Variants in MYO3A observed in about 807,000 individuals in gnomAD.
MYO3A encodes myosin-IIIa.
In MYO3A, 180 loss-of-function variants were observed where a neutral mutation model predicts 192.7. That is an observed-to-expected ratio of 0.93 (90% CI 0.83 to 1.06). The LOEUF (loss-of-function observed/expected upper bound fraction) is 1.06, where lower values mean the gene tolerates loss of function less well. Ranked by LOEUF, MYO3A falls within the 50% of genes least tolerant of loss-of-function variation. The pLI is 0.00. For missense variants in MYO3A, 1,896 were observed against 1,905.0 expected (o/e 1.00, Z 0.09); for synonymous variants, 628 against 645.3 (o/e 0.97, Z 0.41).
At chr10:26,068,932 A>G (rs1184599275) in intron 12 of MYO3A, 48 bp downstream of exon 12, 2 of 1,183,386 alleles carry the variant, frequency 1.7e-6, no homozygotes, top group South Asian at 1.2e-5. Flanking sequence ...ATAATTATAC[A>G]TTCAGATACT....
At chr10:26,210,942 C>A (rs1287734313) in intron 34 of MYO3A, among the ~76,000 whole-genome samples, 2 of 151,916 alleles carry the variant, frequency 1.3e-5, no homozygotes, top group African/African-American at 4.8e-5. Flanking sequence ...GTCAGAGAGG[C>A]CTTTCCAACC....
rs1393761955 is a variant in MYO3A, at chr10:26,159,216, T to G, written c.2999+1701T>G. Among the ~76,000 whole-genome samples, 6 of 151,328 alleles carry G rather than the reference T, an allele frequency of 4.0e-5. No individual in the cohort carries two copies. In the East Asian group the frequency reaches 1.2e-3, roughly 30 times the overall value. ...CGTTTTAGCCAGGATGGTCTCCATCTCCTGACCTCGTGATCCGCCCACCTT... is the reference window on the plus strand; with the variant it reads ...CGTTTTAGCCAGGATGGTCTCCATCGCCTGACCTCGTGATCCGCCCACCTT... On this transcript the variant is annotated intron_variant, in intron 26 of 34. Coordinates refer to ENST00000642920, the MANE Select transcript of MYO3A (RefSeq NM_017433.5).
intron 4 of MYO3A, among the ~76,000 whole-genome samples, chr10:25,990,476 T>C (rs1292604871): frequency 6.6e-6 from 1 of 151,964 alleles, no homozygotes; most frequent in Non-Finnish European, 1.5e-5. Context: ...TAATTCTTTT[T>C]TTTAAGGTAA....
chr10:26,002,076 T>C (rs1044410196), intron 6 of MYO3A, among the ~76,000 whole-genome samples: 1 of 152,220 alleles, frequency 6.6e-6, no homozygotes, highest in Non-Finnish European at 1.5e-5. Context: ...TTATTGAATT[T>C]AACTGAGCTT....
chr10:25,946,616 A>T (rs1836847400), intron 2 of MYO3A, among the ~76,000 whole-genome samples: 1 of 150,700 alleles, frequency 6.6e-6, no homozygotes, highest in African/African-American at 2.4e-5. Flanking sequence ...GTGGTGGCTC[A>T]CACCGGTAAT....
intron 29 of MYO3A, 41 bp downstream of exon 29, chr10:26,170,580 T>G (rs2132018503): frequency 6.3e-7 from 1 of 1,578,824 alleles, no homozygotes; most frequent in South Asian, 1.1e-5. Flanking sequence ...AACATATAGA[T>G]TTTTCAGATC....
chr10:26,149,476 C>T (rs910873459), intron 23 of MYO3A, among the ~76,000 whole-genome samples: 2 of 152,114 alleles, frequency 1.3e-5, no homozygotes, highest in Non-Finnish European at 2.9e-5. Flanking sequence ...CTCAGGTGAT[C>T]CACCCGCCTC....
At chr10:26,082,099 C>A (rs561541398) in intron 14 of MYO3A, among the ~76,000 whole-genome samples, 1 of 152,308 alleles carries the variant, frequency 6.6e-6, no homozygotes, top group Non-Finnish European at 1.5e-5. Context: ...ATGATTGACC[C>A]TTCCTGGGAT....
At chr10:26,210,965 A>G (rs1844195769) in intron 34 of MYO3A, among the ~76,000 whole-genome samples, 1 of 146,772 alleles carries the variant, frequency 6.8e-6, no homozygotes, top group South Asian at 2.1e-4. Flanking sequence ...CCTGTATCAA[A>G]TTGCCTGTAC....
At chr10:26,048,103 A>G (rs1334655319) in intron 10 of MYO3A, among the ~76,000 whole-genome samples, 2 of 152,192 alleles carry the variant, frequency 1.3e-5, no homozygotes. Flanking sequence ...AATATTTTTT[A>G]AGGACAGTAG....
intron 14 of MYO3A, among the ~76,000 whole-genome samples, chr10:26,082,349 A>G (rs1420341769): frequency 6.6e-6 from 1 of 151,944 alleles, no homozygotes; most frequent in African/African-American, 2.4e-5. Flanking sequence ...GCTTTTGTTA[A>G]TGGGATTGCT....
chr10:25,996,579 A>C lies in MYO3A; in HGVS notation c.393A>C (p.Leu131Phe). ...RMSEPLIAYI[L>F]HEALMGLQHL... ...GTGAGCCTCTAATTGCCTATATTTT[A>C]CATGAAGCACTAATGGTAAGGCAAT... The change falls in exon 5 of 35, where the codon TTA becomes TTC. Residue 131 changes from leucine to phenylalanine, a missense_variant. Coordinates refer to ENST00000642920, the MANE Select transcript of MYO3A (RefSeq NM_017433.5). 6.2e-7 allele frequency: 1 copy of C among 1,613,212 alleles called. No homozygotes were observed. Among genetic ancestry groups the C allele is most frequent in the South Asian group, 1.1e-5 (1 of 91,068 alleles).
At chr10:26,165,561 A>C (rs1935484) in intron 26 of MYO3A, among the ~76,000 whole-genome samples, 63,577 of 151,954 alleles carry the variant, frequency 0.42, 13,467 homozygotes, top group Middle Eastern at 0.51. Context: ...CTCTAGCAGG[A>C]GACATAGTGT....
chr10:26,011,307 G>T (rs539944230), intron 6 of MYO3A, among the ~76,000 whole-genome samples: 2 of 152,070 alleles, frequency 1.3e-5, no homozygotes, highest in African/African-American at 4.8e-5. Flanking sequence ...GGTAGTGTGC[G>T]CCTGTAGTGC....
In MYO3A at chr10:26,025,274, T is replaced by C. The variant is rs544823482; in HGVS notation, c.798-1103T>C. Among the ~76,000 whole-genome samples the C allele has an allele frequency of 5.3e-5, 8 of 152,280 alleles. No homozygotes were observed. In the East Asian group the frequency reaches 1.5e-3, roughly 29 times the overall value. On this transcript the variant is annotated intron_variant, in intron 9 of 34. Transcript: ENST00000642920. ...ATTGCCTAATTATCATAATACCGAT[T>C]AGAAATGGCGCTACTCAAGCCAAGG... is the stretch of plus-strand genomic sequence containing the variant.
chr10:25,956,495 A>ATT (rs562368305), intron 4 of MYO3A, among the ~76,000 whole-genome samples: 5 of 128,824 alleles, frequency 3.9e-5, no homozygotes, highest in South Asian at 2.5e-4. Flanking sequence ...GCCCAGCTAA[A>ATT]TTTTTTTTTT....
chr10:26,126,552 C>T (rs1474723559), intron 19 of MYO3A, among the ~76,000 whole-genome samples: 1 of 152,032 alleles, frequency 6.6e-6, no homozygotes, highest in Non-Finnish European at 1.5e-5. Flanking sequence ...ATACCATTTT[C>T]CCATTACAAT....
intron 6 of MYO3A, among the ~76,000 whole-genome samples, 193 bp downstream of exon 6, chr10:25,997,451 A>C (rs1840526063): frequency 6.6e-6 from 1 of 152,232 alleles, no homozygotes. Context: ...ACTTCTTTCA[A>C]GTCAGCTAGT....
chr10:26,002,909 A>C (rs188108917), intron 6 of MYO3A, among the ~76,000 whole-genome samples: 135 of 152,218 alleles, frequency 8.9e-4, no homozygotes, highest in African/African-American at 2.8e-3. Context: ...CACTGTAATC[A>C]TATTTTATTT....
Sources: gnomAD v4.1 joint callset for allele counts (sites outside exome capture counted in the v4.1 genomes callset) on GRCh38, gnomAD v4.1.1 for gene constraint, MANE v1.5 for transcripts, NCBI Gene and HGNC (gene_info 2026-07-23, HGNC 2026-07-21) for gene names.